The following YIPF4 variants were observed in gnomAD, a reference collection of about 807,000 sequenced individuals.
The protein encoded by YIPF4 is protein YIPF4.
In YIPF4, 18 loss-of-function variants were observed where a neutral mutation model predicts 29.4. The observed-to-expected ratio is 0.61, with a 90% CI of 0.42 to 0.91. The LOEUF (loss-of-function observed/expected upper bound fraction) is 0.91. YIPF4 is among the 40% of genes least tolerant of loss of function. The probability of loss-of-function intolerance (pLI) is 0.00; values close to 1 mark genes in which losing one functional copy is unlikely to be tolerated. For missense variants in YIPF4, 279 were observed against 282.7 expected, an observed-to-expected ratio of 0.99 and a Z score of 0.09; for synonymous variants, 115 against 104.7, an observed-to-expected ratio of 1.10 and a Z score of -0.60.
rs543726950 is a variant in YIPF4, at chr2:32,303,572, G to C, written c.598-1917G>C. On this transcript the variant is annotated intron_variant, in intron 5 of 5. Coordinates refer to ENST00000238831, the MANE Select transcript of YIPF4 (RefSeq NM_032312.4). ...TGGTGGCATGCACCTGTTAGTCCTA[G>C]CTACTCAGGAGGCTGAGATGGGAGG... Among the ~76,000 whole-genome samples the C allele has an allele frequency of 2.6e-5, 4 of 152,172 alleles. No individual in the cohort carries two copies. The South Asian group carries it at 8.3e-4, about 32-fold the overall frequency.
Position 32,314,583 on chromosome 2 carries a change from G to A in YIPF4, c.*8957G>A, listed in dbSNP as rs972828412. On this transcript the variant is annotated 3_prime_UTR_variant, in exon 6 of 6. Coordinates refer to ENST00000238831, the MANE Select transcript of YIPF4 (RefSeq NM_032312.4). The stretch of plus-strand genomic sequence containing the variant: ...AGCTACTCTGGAGGCTGAGACAGGA[G>A]AATCGCTTGAACCTGGGAGGTGGAG... 1 of 152,306 alleles carries A rather than the reference G, an allele frequency of 6.6e-6. No homozygotes were observed. The highest frequency in any genetic ancestry group is 2.4e-5 in the African/African-American group (1 of 41,558). 9.4% of individuals were successfully genotyped at this position (152,306 alleles called of 1,614,324 possible). A position where few individuals can be genotyped will look rare whatever the true frequency, so the allele number is the denominator to read the frequency against.
At chr2:32,304,944 T>C (rs1351921443) in intron 5 of YIPF4, among the ~76,000 whole-genome samples, 1 of 152,170 alleles carries the variant, frequency 6.6e-6, no homozygotes, top group African/African-American at 2.4e-5. Context: ...CCTGTATTTC[T>C]GCCTATTCCT....
intron 5 of YIPF4, among the ~76,000 whole-genome samples, chr2:32,303,748 A>T (rs2031483149): frequency 6.6e-6 from 1 of 152,218 alleles, no homozygotes; most frequent in Admixed American, 6.5e-5. Context: ...GAGACTAAAG[A>T]TACCTTGTTT....
chr2:32,282,593 C>A (rs1267901534), intron 1 of YIPF4, among the ~76,000 whole-genome samples: 1 of 152,038 alleles, frequency 6.6e-6, no homozygotes, highest in Admixed American at 6.5e-5. Flanking sequence ...CCACCACACC[C>A]AGCTAATGTT....
chr2:32,294,907 A>G (rs891869226), intron 3 of YIPF4, among the ~76,000 whole-genome samples: 2 of 152,188 alleles, frequency 1.3e-5, no homozygotes, highest in African/African-American at 4.8e-5. Flanking sequence ...TCCACCAAAA[A>G]AATACAAAAA....
chr2:32,287,109 G>T (rs1263466029), intron 1 of YIPF4, among the ~76,000 whole-genome samples: 2 of 152,088 alleles, frequency 1.3e-5, no homozygotes, highest in South Asian at 4.1e-4. Context: ...GCTGGGCATG[G>T]TGGTGCATGC....
chr2:32,279,428 C>T (rs1170909497), intron 1 of YIPF4, among the ~76,000 whole-genome samples: 6 of 106,754 alleles, frequency 5.6e-5, no homozygotes, highest in Admixed American at 1.1e-4. Context: ...GACTGAGTCT[C>T]GCTCTGTCGC....
chr2:32,301,720 C>G (rs1243482304), intron 5 of YIPF4, among the ~76,000 whole-genome samples: 1 of 152,068 alleles, frequency 6.6e-6, no homozygotes. Context: ...AAGAGCAAAT[C>G]AGGTTTCAGG....
chr2:32,279,794 C>T (rs2030308983), intron 1 of YIPF4, among the ~76,000 whole-genome samples: 2 of 151,480 alleles, frequency 1.3e-5, no homozygotes, highest in Admixed American at 6.6e-5. Flanking sequence ...TGCTGTTTGG[C>T]ATTGTTTTTT....
intron 1 of YIPF4, among the ~76,000 whole-genome samples, chr2:32,282,464 G>A (rs1250530494): frequency 1.3e-5 from 2 of 152,054 alleles, no homozygotes; most frequent in South Asian, 2.1e-4. Flanking sequence ...ACGGAGTCTC[G>A]CCCTGTCGCC....
Position 32,310,346 on chromosome 2 carries a change from A to C in YIPF4, c.*4720A>C, listed in dbSNP as rs904057096. On this transcript the variant is annotated 3_prime_UTR_variant, in exon 6 of 6. Transcript: ENST00000238831. Reference sequence around the variant, plus strand: ...TCCTGCCTCTGAAAAAATCATAATAATACTTTAATTTAGAAAATACCCTGA... The same window carrying C: ...TCCTGCCTCTGAAAAAATCATAATACTACTTTAATTTAGAAAATACCCTGA... 1.3e-5 allele frequency: 2 copies of C among 151,934 alleles called. No homozygotes were observed. Among genetic ancestry groups the C allele is most frequent in the East Asian group, 1.9e-4 (1 of 5,168 alleles). 9.4% of individuals were successfully genotyped at this position (151,934 alleles called of 1,614,324 possible).
rs1225646842 is a variant in YIPF4, at chr2:32,311,678, GTAATAATTTTGTTAACAC to G, written c.*6055_*6072del. 6.6e-6 allele frequency: 1 copy of G among 152,168 alleles called. No individual in the cohort carries two copies. Among genetic ancestry groups the G allele is most frequent in the African/African-American group, 2.4e-5 (1 of 41,450 alleles). 9.4% of individuals were successfully genotyped at this position (152,168 alleles called of 1,614,324 possible). ...ACGAAAAAAGGAAGCATTCCCACCTGTAATAATTTTGTTAACACTAGACTATCAGTAAATTATCAAGAA... is the reference window on the plus strand; with the variant it reads ...ACGAAAAAAGGAAGCATTCCCACCTGTAGACTATCAGTAAATTATCAAGAA... On this transcript the variant is annotated 3_prime_UTR_variant, in exon 6 of 6. Transcript: ENST00000238831.
Position 32,278,171 on chromosome 2 carries a change from C to T in YIPF4, c.16C>T (p.Pro6Ser). 1 of 1,567,390 alleles carries T rather than the reference C, an allele frequency of 6.4e-7. No individual in the cohort carries two copies. Among genetic ancestry groups the T allele is most frequent in the Non-Finnish European group, 8.6e-7 (1 of 1,157,246 alleles). Residue 6 changes from proline to serine, a missense_variant, in exon 1 of 6, where the codon CCG becomes TCG. Pro to Ser is a moderately conservative substitution (Grantham distance 74). Transcript: ENST00000238831. MQPPG[P>S]PPAYAPTNGD... ...TCGCCGCGAGATGCAGCCTCCGGGCCCGCCCCCGGCCTATGCCCCCACTAA... is the reference window on the plus strand; with the variant it reads ...TCGCCGCGAGATGCAGCCTCCGGGCTCGCCCCCGGCCTATGCCCCCACTAA...
intron 3 of YIPF4, among the ~76,000 whole-genome samples, chr2:32,294,663 G>T (rs890484792): frequency 2.0e-5 from 3 of 151,880 alleles, no homozygotes; most frequent in African/African-American, 7.3e-5. Context: ...CCCAGACGGG[G>T]TGGCGGCCGG....
At position 32,309,030 on chromosome 2, in the gene YIPF4, C is replaced by CAAAA. The variant is rs1236684141; in HGVS notation, c.*3421_*3424dup. ...TAGGTGACAGAGTGAGACTCCGTCT[C>CAAAA]AAAAAAAAAAAAAAAAAAAATCAAA... On this transcript the variant is annotated 3_prime_UTR_variant, in exon 6 of 6. Coordinates refer to ENST00000238831, the MANE Select transcript of YIPF4 (RefSeq NM_032312.4). 1.2e-5 allele frequency: 1 copy of CAAAA among 83,452 alleles called. No individual in the cohort carries two copies. The highest frequency in any genetic ancestry group is 2.6e-5 in the Non-Finnish European group (1 of 38,242). 5.2% of individuals were successfully genotyped at this position (83,452 alleles called of 1,614,324 possible). A position where few individuals can be genotyped will look rare whatever the true frequency, so the allele number is the denominator to read the frequency against.
At chr2:32,292,397 A>G in intron 3 of YIPF4, 49 bp downstream of exon 3, 2 of 1,308,858 alleles carry the variant, frequency 1.5e-6, no homozygotes, top group African/African-American at 1.5e-5. Context: ...GAGAGTTTCA[A>G]AAATTAAATA....
chr2:32,288,796 C>CAATA (rs1354279429), intron 1 of YIPF4, among the ~76,000 whole-genome samples: 9 of 151,260 alleles, frequency 6.0e-5, no homozygotes, highest in South Asian at 2.1e-4. Flanking sequence ...GGAGACAGAG[C>CAATA]AATAAATAAA....
intron 3 of YIPF4, among the ~76,000 whole-genome samples, chr2:32,293,317 A>G (rs1389092871): frequency 6.6e-6 from 1 of 152,176 alleles, no homozygotes; most frequent in African/African-American, 2.4e-5. Flanking sequence ...GCCTTCAAGC[A>G]TCTGTTTAAC....
chr2:32,288,215 A>G (rs962761627), intron 1 of YIPF4, among the ~76,000 whole-genome samples: 2 of 151,738 alleles, frequency 1.3e-5, no homozygotes, highest in African/African-American at 2.4e-5. Context: ...TGTCCTTGAT[A>G]TTTTTTCTAC....
Sources: gnomAD v4.1 joint callset for allele counts (sites outside exome capture counted in the v4.1 genomes callset) on GRCh38, gnomAD v4.1.1 for gene constraint, MANE v1.5 for transcripts, NCBI Gene and HGNC (gene_info 2026-07-23, HGNC 2026-07-21) for gene names.